SMOC1: variants seen among roughly 807,000 people sequenced by gnomAD.
The protein encoded by SMOC1 is SPARC-related modular calcium-binding protein 1.
SMOC1 carries 22 observed loss-of-function variants against 56.3 expected under a neutral mutation model. The ratio of observed to expected loss-of-function variants is 0.39; its 90% CI spans 0.28 to 0.56. SMOC1 has a LOEUF of 0.56. Ranked by LOEUF, SMOC1 falls within the 20% of genes least tolerant of loss-of-function variation. The pLI is 0.61. For synonymous variants in SMOC1, 193 were observed against 215.0 expected (o/e 0.90, Z 0.89); for missense variants, 509 against 565.4 (o/e 0.90, Z 1.01).
chr14:69,928,702 G>T (rs1048695060), intron 1 of SMOC1, among the ~76,000 whole-genome samples: 1 of 152,116 alleles, frequency 6.6e-6, no homozygotes, highest in African/African-American at 2.4e-5. Context: ...AATTTGGGAG[G>T]AAAGTCTAGA....
At chr14:70,005,694 A>T (rs17107604) in intron 7 of SMOC1, among the ~76,000 whole-genome samples, 7,158 of 152,180 alleles carry the variant, frequency 0.047, 543 homozygotes, top group African/African-American at 0.16. Context: ...TTAACCACTC[A>T]TTGCCAAGTG....
At chr14:69,972,758 C>G (rs1883814271) in intron 3 of SMOC1, among the ~76,000 whole-genome samples, 1 of 152,188 alleles carries the variant, frequency 6.6e-6, no homozygotes. Context: ...AGAAACAAAG[C>G]TTTGGGCTTA....
intron 1 of SMOC1, among the ~76,000 whole-genome samples, chr14:69,948,551 C>T (rs1011977692): frequency 6.6e-6 from 1 of 152,000 alleles, no homozygotes; most frequent in Non-Finnish European, 1.5e-5. Context: ...ATTTTCAAAC[C>T]GATTTTTTGG....
intron 1 of SMOC1, among the ~76,000 whole-genome samples, chr14:69,903,137 G>A (rs543359065): frequency 2.3e-4 from 34 of 150,584 alleles, no homozygotes; most frequent in Middle Eastern, 7.0e-3. Context: ...AGTGAGGACC[G>A]CCTCTTCCTG....
chr14:69,995,642 C>T (rs1174678029), intron 7 of SMOC1, among the ~76,000 whole-genome samples: 1 of 152,204 alleles, frequency 6.6e-6, no homozygotes, highest in Non-Finnish European at 1.5e-5. Context: ...AATTCTCATT[C>T]ACAAAATGGG....
chr14:69,984,241 G>A (rs914547358), intron 5 of SMOC1, among the ~76,000 whole-genome samples: 1 of 152,134 alleles, frequency 6.6e-6, no homozygotes, highest in Non-Finnish European at 1.5e-5. Flanking sequence ...CGACCCCAAA[G>A]CCTCAACCTA....
At chr14:69,933,419 C>T (rs1885217412) in intron 1 of SMOC1, among the ~76,000 whole-genome samples, 1 of 152,050 alleles carries the variant, frequency 6.6e-6, no homozygotes, top group Non-Finnish European at 1.5e-5. Flanking sequence ...ATTTAAAACT[C>T]GAAATATCTT....
intron 1 of SMOC1, among the ~76,000 whole-genome samples, chr14:69,900,550 A>T (rs1884217384): frequency 6.6e-6 from 1 of 152,168 alleles, no homozygotes; most frequent in South Asian, 2.1e-4. Flanking sequence ...AATCCATCTT[A>T]TTCTGATGAC....
At chr14:70,018,185 T>C (rs746301749) in intron 10 of SMOC1, among the ~76,000 whole-genome samples, 1 of 151,958 alleles carries the variant, frequency 6.6e-6, no homozygotes. Flanking sequence ...CTGATGGCAC[T>C]ATGGAAGCAG....
chr14:69,958,320 A>G (rs1883260753), intron 3 of SMOC1, among the ~76,000 whole-genome samples: 1 of 152,228 alleles, frequency 6.6e-6, no homozygotes, highest in African/African-American at 2.4e-5. Context: ...ATTAGCCTTA[A>G]CAACAAAGAG....
intron 5 of SMOC1, among the ~76,000 whole-genome samples, chr14:69,990,693 CT>C (rs1566701740): frequency 6.6e-6 from 1 of 152,204 alleles, no homozygotes; most frequent in Non-Finnish European, 1.5e-5. Flanking sequence ...CCAGATCAAA[CT>C]CACACAGTTT....
At chr14:70,013,672 C>A (rs1885413070) in intron 10 of SMOC1, among the ~76,000 whole-genome samples, 181 bp downstream of exon 10, 1 of 152,176 alleles carries the variant, frequency 6.6e-6, no homozygotes, top group Admixed American at 6.5e-5. Context: ...TCTTCCTGCC[C>A]CTCTACCTTC....
intron 3 of SMOC1, among the ~76,000 whole-genome samples, chr14:69,965,918 C>A (rs890036512): frequency 2.0e-5 from 3 of 152,150 alleles, no homozygotes; most frequent in Non-Finnish European, 4.4e-5. Context: ...GCAGGTCAGT[C>A]AACTAAACTC....
rs1884069422 is a variant in SMOC1, at chr14:69,895,433, T to C, written c.99+15656T>C. ...AGATCAATGTAAACATCCACCCAACTGAATGGCAAATGCTCTGCAGCAGTG... is the reference window on the plus strand; with the variant it reads ...AGATCAATGTAAACATCCACCCAACCGAATGGCAAATGCTCTGCAGCAGTG... On this transcript the variant is annotated intron_variant, in intron 1 of 11. Transcript: ENST00000361956. Among the ~76,000 whole-genome samples the C allele has an allele frequency of 2.6e-5, 4 of 152,330 alleles. No individual in the cohort carries two copies. The South Asian group carries it at 8.3e-4, about 32-fold the overall frequency.
At chr14:69,960,258 G>A (rs77041705) in intron 3 of SMOC1, among the ~76,000 whole-genome samples, 11 of 152,140 alleles carry the variant, frequency 7.2e-5, no homozygotes, top group African/African-American at 2.2e-4. Flanking sequence ...GATATATCTT[G>A]CCTAGAGCAA....
intron 10 of SMOC1, among the ~76,000 whole-genome samples, chr14:70,022,486 C>A (rs1340373827): frequency 6.6e-6 from 1 of 152,218 alleles, no homozygotes; most frequent in African/African-American, 2.4e-5. Context: ...CACCCCAGAT[C>A]CCCTGACTAA....
At chr14:69,981,140 G>T (rs1039456129) in intron 5 of SMOC1, among the ~76,000 whole-genome samples, 1 of 152,152 alleles carries the variant, frequency 6.6e-6, no homozygotes, top group African/African-American at 2.4e-5. Context: ...GAGGCTGGGT[G>T]GTCACAGCCG....
At chr14:70,011,404 A>C in intron 8 of SMOC1, 81 bp from the exon 9 acceptor site, 1 of 1,327,532 alleles carries the variant, frequency 7.5e-7, no homozygotes, top group Non-Finnish European at 1.1e-6. Context: ...GTGACAACAT[A>C]GATCATTGCT....
intron 3 of SMOC1, among the ~76,000 whole-genome samples, chr14:69,958,420 A>G (rs1883264256): frequency 1.3e-5 from 2 of 152,242 alleles, no homozygotes; most frequent in African/African-American, 2.4e-5. Flanking sequence ...CAGCCATATG[A>G]TAATAATAGT....
Sources: allele counts gnomAD v4.1 joint callset (sites outside exome capture counted in the v4.1 genomes callset), GRCh38; gene constraint gnomAD v4.1.1; transcripts MANE v1.5; gene names NCBI Gene and HGNC (gene_info 2026-07-23, HGNC 2026-07-21).